The following JAZF1 variants were observed in gnomAD, a reference collection of about 807,000 sequenced individuals.
JAZF1 encodes the protein juxtaposed with another zinc finger protein 1.
Under a neutral mutation model 26.4 loss-of-function variants are expected in JAZF1, and 8 were observed. The ratio of observed to expected loss-of-function variants is 0.30; its 90% confidence interval spans 0.18 to 0.55. The LOEUF is 0.55. Among genes scored for constraint, JAZF1 ranks in the 20% least tolerant of loss-of-function variants. The pLI is 0.94. For missense variants in JAZF1, 199 were observed against 322.0 expected, an observed-to-expected ratio of 0.62 and a Z score of 2.92; for synonymous variants, 126 against 122.3, an observed-to-expected ratio of 1.03 and a Z score of -0.20.
At chr7:28,025,331 A>G (rs1216808223) in intron 1 of JAZF1, among the ~76,000 whole-genome samples, 1 of 152,202 alleles carries the variant, frequency 6.6e-6, no homozygotes, top group African/African-American at 2.4e-5. Context: ...TTAAACTAAA[A>G]TTTTCAGTGT....
chr7:28,038,781 A>G (rs978450933), intron 1 of JAZF1, among the ~76,000 whole-genome samples: 2 of 152,208 alleles, frequency 1.3e-5, no homozygotes, highest in African/African-American at 4.8e-5. Flanking sequence ...GGAAACTACA[A>G]AAAAGATACA....
chr7:28,006,684 A>G (rs1175004178), intron 1 of JAZF1, among the ~76,000 whole-genome samples: 2 of 152,204 alleles, frequency 1.3e-5, no homozygotes, highest in East Asian at 3.9e-4. Context: ...CCCAAATCAC[A>G]GGACCAGGAG....
rs1440605615 is a variant in JAZF1 at position 27,965,976 on chromosome 7, T to C, written c.188+25933A>G. 2.0e-5 allele frequency among the ~76,000 whole-genome samples: 3 copies of C among 152,278 alleles called. No homozygotes were observed. The East Asian group carries it at 5.8e-4, about 29-fold the overall frequency. ...AAGTGACATGTCACTTGGATACATG[T>C]GTTTCTGTATTTTGTCATGAATGTT... On this transcript the variant is annotated intron_variant, in intron 2 of 4. Transcript: ENST00000283928.
intron 1 of JAZF1, among the ~76,000 whole-genome samples, chr7:28,079,867 T>A (rs575993658): frequency 2.0e-5 from 3 of 152,176 alleles, no homozygotes. Context: ...GTAATCTAGA[T>A]GCATAACTCA....
intron 2 of JAZF1, among the ~76,000 whole-genome samples, chr7:27,952,161 G>A (rs922951411): frequency 2.6e-5 from 4 of 152,126 alleles, no homozygotes; most frequent in Non-Finnish European, 5.9e-5. Flanking sequence ...TGCCTTCAAG[G>A]AGCCCATAGT....
intron 3 of JAZF1, among the ~76,000 whole-genome samples, chr7:27,849,770 CA>C (rs1482349095): frequency 9.6e-5 from 13 of 135,930 alleles, no homozygotes; most frequent in African/African-American, 1.4e-4. Flanking sequence ...CACACACACA[CA>C]CACCCCTACA....
At chr7:28,043,118 A>G (rs1783422277) in intron 1 of JAZF1, among the ~76,000 whole-genome samples, 1 of 152,166 alleles carries the variant, frequency 6.6e-6, no homozygotes, top group Non-Finnish European at 1.5e-5. Context: ...CTGAATGAGG[A>G]TTCACATTAA....
At chr7:27,851,409 G>A (rs1783147366) in intron 3 of JAZF1, among the ~76,000 whole-genome samples, 1 of 152,286 alleles carries the variant, frequency 6.6e-6, no homozygotes, top group Non-Finnish European at 1.5e-5. Context: ...CACACTTTGG[G>A]AGGCTGAGGT....
At chr7:27,897,281 G>A (rs896224116) in intron 2 of JAZF1, among the ~76,000 whole-genome samples, 2 of 152,008 alleles carry the variant, frequency 1.3e-5, no homozygotes, top group African/African-American at 4.8e-5. Flanking sequence ...TGCTTATGGG[G>A]GTAGAAAAAA....
intron 1 of JAZF1, among the ~76,000 whole-genome samples, chr7:28,056,473 C>T (rs985733719): frequency 3.0e-5 from 3 of 99,404 alleles, no homozygotes; most frequent in Admixed American, 3.0e-4. Flanking sequence ...CACACACACA[C>T]ACAATAAGAA....
intron 2 of JAZF1, among the ~76,000 whole-genome samples, chr7:27,906,602 C>T (rs1784262716): frequency 6.6e-6 from 1 of 152,202 alleles, no homozygotes; most frequent in South Asian, 2.1e-4. Context: ...CATAAATTAT[C>T]AGTGAAGCAA....
At chr7:28,015,002 T>G (rs1782861155) in intron 1 of JAZF1, among the ~76,000 whole-genome samples, 1 of 151,352 alleles carries the variant, frequency 6.6e-6, no homozygotes, top group Non-Finnish European at 1.5e-5. Context: ...CTCCTGCCAC[T>G]CCTCAGACCC....
chr7:28,020,942 G>C (rs1053003631), intron 1 of JAZF1: 3 of 313,426 alleles, frequency 9.6e-6, no homozygotes, highest in African/African-American at 4.3e-5. Context: ...CTGGTTCTTT[G>C]GAATTTCAAA....
chr7:28,087,341 C>T (rs1416811388), intron 1 of JAZF1, among the ~76,000 whole-genome samples: 1 of 151,806 alleles, frequency 6.6e-6, no homozygotes, highest in Non-Finnish European at 1.5e-5. Context: ...AATCATATTC[C>T]ATTTAATTTC....
chr7:28,070,189 T>C (rs925019423), intron 1 of JAZF1, among the ~76,000 whole-genome samples: 1 of 152,212 alleles, frequency 6.6e-6, no homozygotes, highest in Non-Finnish European at 1.5e-5. Flanking sequence ...TTGATAGCAT[T>C]ACTGTAATCT....
At chr7:27,893,687 T>C (rs1399740397) in intron 3 of JAZF1, among the ~76,000 whole-genome samples, 2 of 152,208 alleles carry the variant, frequency 1.3e-5, no homozygotes, top group Non-Finnish European at 2.9e-5. Context: ...CAGGGTTATA[T>C]TTATTTGCGT....
intron 1 of JAZF1, among the ~76,000 whole-genome samples, chr7:28,007,368 A>G (rs1003185378): frequency 6.6e-6 from 1 of 152,150 alleles, no homozygotes; most frequent in Non-Finnish European, 1.5e-5. Flanking sequence ...AGGGAGTTCG[A>G]GATCAATCCG....
At chr7:28,088,296 C>T (rs573188497) in intron 1 of JAZF1, among the ~76,000 whole-genome samples, 14 of 152,310 alleles carry the variant, frequency 9.2e-5, no homozygotes, top group South Asian at 8.3e-4. Flanking sequence ...GTCTCTCTTC[C>T]GCATTGCTAA....
Position 27,840,937 on chromosome 7 carries a change from C to T in JAZF1, c.386-70G>A. The stretch of plus-strand genomic sequence containing the variant: ...CCCCACAGGTTCACCCGGCCACTTC[C>T]AGGACAGGAGATGTGGCCGTGGCAG... On this transcript the variant is annotated intron_variant, in intron 3 of 4. Transcript: ENST00000283928. This position sits in a 1 kb window ranked among gnomAD's most constrained non-coding sequence, Gnocchi z 5.1. 1.3e-6 allele frequency: 2 copies of T among 1,539,546 alleles called. No individual in the cohort carries two copies. The highest frequency in any genetic ancestry group is 2.0e-4 in the Middle Eastern group (1 of 5,110).
Sources: allele counts gnomAD v4.1 joint callset (sites outside exome capture counted in the v4.1 genomes callset), GRCh38; gene constraint gnomAD v4.1.1; non-coding constraint Gnocchi (gnomAD v3.1); transcripts MANE v1.5; gene names NCBI Gene and HGNC (gene_info 2026-07-23, HGNC 2026-07-21).